ATP2A1: variants seen among roughly 807,000 people sequenced by gnomAD.
ATP2A1 encodes the protein ATPase sarcoplasmic/endoplasmic reticulum Ca2+ transporting 1, also known as sarcoplasmic/endoplasmic reticulum calcium ATPase 1.
In ATP2A1, 83 loss-of-function variants were observed where a neutral mutation model predicts 109.5. The observed-to-expected ratio is 0.76, with a 90% confidence interval of 0.63 to 0.91. The LOEUF is 0.91. Among genes scored for constraint, ATP2A1 ranks in the 40% least tolerant of loss-of-function variants. The pLI, the probability that ATP2A1 is intolerant of heterozygous loss-of-function variation, is 0.00. For missense variants in ATP2A1, 1,101 were observed against 1,341.0 expected (o/e 0.82, Z 2.80); for synonymous variants, 505 against 537.6 (o/e 0.94, Z 0.84).
chr16:28,903,311 C>A lies in ATP2A1; in HGVS notation c.2863-12C>A. 1.2e-6 allele frequency: 2 copies of A among 1,609,696 alleles called. No individual in the cohort carries two copies. Among genetic ancestry groups the A allele is most frequent in the Non-Finnish European group, 8.5e-7 (1 of 1,176,256 alleles). ...CACCCCCTCCTGAGAGGGCGCTTGTCCCCTGCCCCAGATGATCTTCAAGCT... is the reference window on the plus strand; with the variant it reads ...CACCCCCTCCTGAGAGGGCGCTTGTACCCTGCCCCAGATGATCTTCAAGCT... On this transcript the variant is annotated splice_polypyrimidine_tract_variant and intron_variant, in intron 20 of 22. Coordinates refer to ENST00000395503, the MANE Select transcript of ATP2A1 (RefSeq NM_004320.6). The surrounding 1 kb of genome is among the most constrained non-coding windows in gnomAD (Gnocchi z 5.6).
Position 28,901,960 on chromosome 16 carries a change from T to C in ATP2A1, c.2198T>C (p.Met733Thr). The change falls in exon 16 of 23, where the codon ATG (methionine) becomes ACG (threonine). Residue 733 changes from methionine (M) to threonine (T), a missense_variant. Met to Thr is a moderately conservative substitution (Grantham distance 81). Transcript: ENST00000395503. ...GCCGTGGCCAAGACTGCCTCTGAGATGGTGCTGGCTGACGACAACTTCTCC... is the reference window on the plus strand; with the variant it reads ...GCCGTGGCCAAGACTGCCTCTGAGACGGTGCTGGCTGACGACAACTTCTCC... ...GTAVAKTASE[M>T]VLADDNFSTI... 1 of 1,614,236 alleles carries C rather than the reference T, an allele frequency of 6.2e-7. No individual in the cohort carries two copies. Among genetic ancestry groups the C allele is most frequent in the Non-Finnish European group, 8.5e-7 (1 of 1,180,040 alleles).
chr16:28,888,806 C>T lies in ATP2A1; in HGVS notation c.948C>T (p.Thr316=), dbSNP rs1290653207. 2 of 1,614,014 alleles carry T rather than the reference C, an allele frequency of 1.2e-6. No individual in the cohort carries two copies. The highest frequency in any genetic ancestry group is 1.7e-5 in the Admixed American group (1 of 60,002). ...CCACAGGTCTTCCTGCAGTCATCACCACCTGCCTGGCCCTGGGTACCCGTC... is the reference window on the plus strand; with the variant it reads ...CCACAGGTCTTCCTGCAGTCATCACTACCTGCCTGGCCCTGGGTACCCGTC... ...AIPEGLPAVI[T]TCLALGTRRM... Residue 316 remains threonine, a synonymous_variant, in exon 9 of 23, where the codon ACC becomes ACT. Transcript: ENST00000395503.
At chr16:28,899,830 C>T (rs895114836) in intron 14 of ATP2A1, among the ~76,000 whole-genome samples, 9 of 148,968 alleles carry the variant, frequency 6.0e-5, no homozygotes, top group African/African-American at 2.2e-4. Context: ...CGTGGTGGTG[C>T]GCCCTTATAA....
rs926079448 is a variant in ATP2A1 at position 28,880,953 on chromosome 16, T to C, written c.258T>C (p.Thr86=). The C allele has an allele frequency of 7.4e-6, 12 of 1,614,122 alleles. No individual in the cohort carries two copies. Among genetic ancestry groups the C allele is most frequent in the Non-Finnish European group, 1.0e-5 (12 of 1,180,046 alleles). Residue 86 remains threonine (T), a synonymous_variant, in exon 4 of 23, where the codon ACT becomes ACC. Transcript: ENST00000395503. The surrounding 1 kb of genome is among the most constrained non-coding windows in gnomAD (Gnocchi z 4.2). ...TTGAGGAAGGTGAAGAGACCATCAC[T>C]GCCTTTGTTGAACCCTTTGTCATCC... ...AWFEEGEETI[T]AFVEPFVILL... is the part of the protein sequence containing the mutation.
intron 14 of ATP2A1, 117 bp from the exon 15 acceptor site, chr16:28,900,464 C>A: frequency 8.5e-6 from 7 of 818,904 alleles, no homozygotes; most frequent in East Asian, 2.9e-5. Context: ...GTTCAGGCTT[C>A]CCACCCCTCC....
Position 28,903,043 on chromosome 16 carries a change from C to G in ATP2A1, c.2758C>G (p.Gln920Glu). The G allele has an allele frequency of 6.2e-7, 1 of 1,613,908 alleles. No individual in the cohort carries two copies. The highest frequency in any genetic ancestry group is 8.5e-7 in the Non-Finnish European group (1 of 1,179,992). ...CNALNSLSEN[Q>E]SLLRMPPWVN... ...TCCCCTCTGCAGCCTGTCCGAGAAC[C>G]AGTCCCTGCTGCGGATGCCACCCTG... is the stretch of plus-strand genomic sequence containing the variant. Residue 920 changes from glutamine to glutamate, a missense_variant, in exon 20 of 23, where the codon CAG (glutamine) becomes GAG (glutamate). By Grantham distance (29) the Gln-to-Glu change is conservative. Coordinates refer to ENST00000395503, the MANE Select transcript of ATP2A1 (RefSeq NM_004320.6). This position sits in a 1 kb window ranked among gnomAD's most constrained non-coding sequence, Gnocchi z 5.6.
At chr16:28,881,816 G>A (rs72793818) in intron 4 of ATP2A1, among the ~76,000 whole-genome samples, 49,822 of 147,878 alleles carry the variant, frequency 0.34, 9,063 homozygotes, top group Admixed American at 0.4. Context: ...AAAAAAAAAA[G>A]AGAGAAATAG....
In ATP2A1 at chr16:28,901,884, G is replaced by C; in HGVS notation, c.2122G>C (p.Ala708Pro). The C allele has an allele frequency of 6.2e-7, 1 of 1,614,056 alleles. No homozygotes were observed. Among genetic ancestry groups the C allele is most frequent in the Non-Finnish European group, 8.5e-7 (1 of 1,179,970 alleles). Residue 708 changes from alanine to proline, a missense_variant, in exon 16 of 23, where the codon GCC becomes CCC. Physicochemically the swap from Ala to Pro is conservative, Grantham distance 27 (BLOSUM62 -1). Coordinates refer to ENST00000395503, the MANE Select transcript of ATP2A1 (RefSeq NM_004320.6). ...TCAGACAGGTGATGGCGTCAATGAC[G>C]CCCCTGCCCTGAAGAAGGCTGAGAT... is the stretch of plus-strand genomic sequence containing the variant. ...TAMTGDGVNDAPALKKAEIGI... is the reference protein window; with the variant it reads ...TAMTGDGVNDPPALKKAEIGI...
chr16:28,900,540 G>C, intron 14 of ATP2A1, 41 bp from the exon 15 acceptor site: 1 of 1,451,722 alleles, frequency 6.9e-7, no homozygotes, highest in Non-Finnish European at 9.1e-7. Flanking sequence ...GAGTTTTCCA[G>C]ATCCCCACCT....
At chr16:28,900,024 G>A (rs957234762) in intron 14 of ATP2A1, among the ~76,000 whole-genome samples, 36 of 151,374 alleles carry the variant, frequency 2.4e-4, no homozygotes, top group Non-Finnish European at 3.5e-4. Context: ...GCTGGGCGTG[G>A]TAGCTTATGC....
rs762107600 is a variant in ATP2A1, at chr16:28,903,277, C to T, written c.2863-46C>T. On this transcript the variant is annotated intron_variant, in intron 20 of 22. Transcript: ENST00000395503. This position sits in a 1 kb window ranked among gnomAD's most constrained non-coding sequence, Gnocchi z 5.6. ...TGGGCTGGGCAGTGCTGGTCTCTGG[C>T]TCCCTCCCCACCCCCTCCTGAGAGG... is the stretch of plus-strand genomic sequence containing the variant. 30 of 1,582,044 alleles carry T rather than the reference C, an allele frequency of 1.9e-5. No homozygotes were observed. The highest frequency in any genetic ancestry group is 6.7e-5 in the Admixed American group (4 of 59,964).
Position 28,883,486 on chromosome 16 carries a change from G to A in ATP2A1, c.463+897G>A, listed in dbSNP as rs142369956. Among the ~76,000 whole-genome samples, 316 of 152,220 alleles carry A rather than the reference G, an allele frequency of 2.1e-3. 1 individual carries two copies. The highest frequency in any genetic ancestry group is 7.2e-3 in the African/African-American group (297 of 41,534). On this transcript the variant is annotated intron_variant, in intron 5 of 22. Transcript: ENST00000395503. The surrounding 1 kb of genome is among the most constrained non-coding windows in gnomAD (Gnocchi z 5.2). ...ATCCCGACCTCCCTCCTCCCTCCTC[G>A]GTCCATTTCCTCTGGCACAGGAGGG... is the stretch of plus-strand genomic sequence containing the variant.
At chr16:28,890,991 TTC>T (rs1963753949) in intron 9 of ATP2A1, among the ~76,000 whole-genome samples, 2 of 151,672 alleles carry the variant, frequency 1.3e-5, no homozygotes, top group South Asian at 4.2e-4. Flanking sequence ...CCGGCCAGGA[TTC>T]TGTTTTAAAA....
chr16:28,887,917 C>T (rs943880888), intron 8 of ATP2A1, among the ~76,000 whole-genome samples, 195 bp downstream of exon 8: 10 of 152,240 alleles, frequency 6.6e-5, no homozygotes, highest in African/African-American at 2.4e-4. Context: ...TCTCCTGCCT[C>T]AGCCTCCCTA....
chr16:28,878,845 C>T (rs1963358113), intron 1 of ATP2A1, 56 bp downstream of exon 1: 3 of 1,535,676 alleles, frequency 2.0e-6, no homozygotes, highest in Admixed American at 3.3e-5. Context: ...ACCCCCAAAA[C>T]ACACGCACAC....
At position 28,880,788 on chromosome 16, in the gene ATP2A1, G is replaced by A. The variant is rs1963447804; in HGVS notation, c.220-127G>A. 2.2e-6 allele frequency: 2 copies of A among 903,270 alleles called. No homozygotes were observed. The highest frequency in any genetic ancestry group is 1.9e-5 in the Admixed American group (1 of 51,786). The allele number at this position is 903,270 out of a possible 1,614,324, so 56.0% of individuals were successfully genotyped here. A position where few individuals can be genotyped will look rare whatever the true frequency, so the allele number is the denominator to read the frequency against. On this transcript the variant is annotated intron_variant, in intron 3 of 22. Coordinates refer to ENST00000395503, the MANE Select transcript of ATP2A1 (RefSeq NM_004320.6). The surrounding 1 kb of genome is among the most constrained non-coding windows in gnomAD (Gnocchi z 4.2). ...GGATGTGGGGCCACAGCGCCCCGAC[G>A]GTGCCCGGCCCTCCTGCTGGCTCCT...
Position 28,900,739 on chromosome 16 carries a change from C to A in ATP2A1, c.1923C>A (p.Ile641=), listed in dbSNP as rs767308690. ...TTGCCATCTGCCGGCGAATTGGCAT[C>A]TTTGGGGAGAACGAGGAGGTGGCCG... The part of the protein sequence containing the change: ...TAIAICRRIG[I]FGENEEVADR... The change falls in exon 15 of 23, where the codon ATC becomes ATA. Residue 641 remains isoleucine (I), a synonymous_variant. Transcript: ENST00000395503. The A allele has an allele frequency of 3.1e-6, 5 of 1,614,192 alleles. No individual in the cohort carries two copies. The highest frequency in any genetic ancestry group is 4.2e-6 in the Non-Finnish European group (5 of 1,180,022).
At position 28,904,276 on chromosome 16, in the gene ATP2A1, C is replaced by CGTCCT. The variant is rs1567493448; in HGVS notation, c.*139_*143dup. 1 of 1,612,166 alleles carries CGTCCT rather than the reference C, an allele frequency of 6.2e-7. No individual in the cohort carries two copies. Reference sequence around the variant, plus strand: ...CAGGCAGAGCTGTGGCACAGACCCCCGTCCTGTCCCCCACACCCGTGTCAT... The same window carrying CGTCCT: ...CAGGCAGAGCTGTGGCACAGACCCCCGTCCTGTCCTGTCCCCCACACCCGTGTCAT... On this transcript the variant is annotated 3_prime_UTR_variant, in exon 23 of 23. Coordinates refer to ENST00000395503, the MANE Select transcript of ATP2A1 (RefSeq NM_004320.6).
rs775020778 is a variant in ATP2A1 at position 28,903,415 on chromosome 16, G to A, written c.2955G>A (p.Lys985=). The A allele has an allele frequency of 8.7e-6, 14 of 1,613,818 alleles. No homozygotes were observed. The South Asian group carries it at 1.5e-4, about 18-fold the overall frequency. ...TCATTGGGCTCGACGAAATCCTCAA[G>A]TTCGTTGCTCGGAACTACCTAGAGG... ...LPVIGLDEIL[K]FVARNYLEG Residue 985 remains lysine, a synonymous_variant, in exon 21 of 23, where the codon AAG becomes AAA. Transcript: ENST00000395503. This position sits in a 1 kb window ranked among gnomAD's most constrained non-coding sequence, Gnocchi z 5.6.
Sources: gnomAD v4.1 joint callset for allele counts (sites outside exome capture counted in the v4.1 genomes callset) on GRCh38, gnomAD v4.1.1 for gene constraint, Gnocchi (gnomAD v3.1) non-coding constraint, MANE v1.5 for transcripts, NCBI Gene and HGNC (gene_info 2026-07-23, HGNC 2026-07-21) for gene names.